The following FABP12 variants were observed in gnomAD, a reference collection of about 807,000 sequenced individuals.
FABP12 encodes fatty acid binding protein 12, also known as fatty acid-binding protein 12.
A neutral mutation model predicts 13.7 loss-of-function variants in FABP12; 19 were observed. The ratio of observed to expected loss-of-function variants is 1.39; its 90% CI spans 0.97 to 2.04. The LOEUF is 2.04. FABP12 is among the 30% of genes most tolerant of loss of function. The pLI, the probability that FABP12 is intolerant of heterozygous loss-of-function variation, is 0.00. For missense variants in FABP12, 182 were observed against 164.2 expected (o/e 1.11, Z -0.59); for synonymous variants, 61 against 57.0 (o/e 1.07, Z -0.32).
chr8:81,589,263 A>T (rs74769408), intron 1 of FABP12, among the ~76,000 whole-genome samples: 15,557 of 152,230 alleles, frequency 0.1, 1,015 homozygotes, highest in Middle Eastern at 0.16. Context: ...TGAATCCTTT[A>T]AAACAAAACA....
intron 1 of FABP12, among the ~76,000 whole-genome samples, chr8:81,566,883 T>A (rs1012199814): frequency 3.3e-5 from 5 of 152,152 alleles, no homozygotes; most frequent in African/African-American, 1.2e-4. Flanking sequence ...TGTTTGCAGA[T>A]GATATAATCT....
intron 1 of FABP12, among the ~76,000 whole-genome samples, chr8:81,560,278 A>C (rs938769929): frequency 6.6e-6 from 1 of 152,186 alleles, no homozygotes; most frequent in African/African-American, 2.4e-5. Context: ...TATTTTCCTC[A>C]TACTTTTTTA....
chr8:81,564,384 T>C (rs1319173680), intron 1 of FABP12, among the ~76,000 whole-genome samples: 1 of 152,042 alleles, frequency 6.6e-6, no homozygotes, highest in Non-Finnish European at 1.5e-5. Flanking sequence ...ACACAGAACA[T>C]TATAAAATAT....
At chr8:81,549,251 A>G (rs1016184283) in intron 1 of FABP12, among the ~76,000 whole-genome samples, 1 of 135,416 alleles carries the variant, frequency 7.4e-6, no homozygotes, top group African/African-American at 2.6e-5. Flanking sequence ...ACACACACAC[A>G]CATGCACGTA....
chr8:81,572,198 T>C (rs1809945813), intron 1 of FABP12, among the ~76,000 whole-genome samples: 1 of 152,170 alleles, frequency 6.6e-6, no homozygotes, highest in Middle Eastern at 3.4e-3. Context: ...TCAATGAGAA[T>C]ATACAATGCT....
rs373404455 is a variant in FABP12 at position 81,530,268 on chromosome 8, T to C, written c.74-658A>G. ...TATCTTGTCTTGGAAGTTTTCCCCTTATCTATGTCTTGAAAATTTTCCATG... is the reference window on the plus strand; with the variant it reads ...TATCTTGTCTTGGAAGTTTTCCCCTCATCTATGTCTTGAAAATTTTCCATG... On this transcript the variant is annotated intron_variant, in intron 2 of 4. Coordinates refer to ENST00000360464, the Ensembl canonical transcript of FABP12. Among the ~76,000 whole-genome samples the C allele has an allele frequency of 9.8e-5, 15 of 152,324 alleles. No individual in the cohort carries two copies. In the East Asian group the frequency reaches 1.3e-3, roughly 14 times the overall value.
At chr8:81,563,482 A>G (rs1294182807) in intron 1 of FABP12, among the ~76,000 whole-genome samples, 1 of 152,238 alleles carries the variant, frequency 6.6e-6, no homozygotes, top group Non-Finnish European at 1.5e-5. Flanking sequence ...ACAGAAATAC[A>G]TAACATTTCA....
intron 2 of FABP12, among the ~76,000 whole-genome samples, chr8:81,530,584 ACACAAT>A (rs1159582984): frequency 1.3e-5 from 2 of 152,256 alleles, no homozygotes; most frequent in African/African-American, 4.8e-5. Flanking sequence ...ATATCATAAA[ACACAAT>A]CACAGGATGT....
At chr8:81,550,721 A>G (rs1357068447) in intron 1 of FABP12, among the ~76,000 whole-genome samples, 1 of 152,310 alleles carries the variant, frequency 6.6e-6, no homozygotes, top group Admixed American at 6.5e-5. Context: ...GAAATGACAG[A>G]GGGAGCTCAC....
chr8:81,525,205 C>T (rs947373588), intron 4 of FABP12, 85 bp from the exon 5 acceptor site: 8 of 851,110 alleles, frequency 9.4e-6, no homozygotes, highest in Admixed American at 2.5e-5. Context: ...ACTATCCACA[C>T]ATACATTCCT....
At position 81,540,419 on chromosome 8, in the gene FABP12, T is replaced by C. The variant is rs187639030; in HGVS notation, c.-184-676A>G. On this transcript the variant is annotated intron_variant, in intron 1 of 5. Transcript: ENST00000692030. ...TCCCCAGTGTAAAGTCATGCTGTCA[T>C]GTACCCTCTGCTAGGATGCAATGAG... Among the ~76,000 whole-genome samples, 26 of 152,378 alleles carry C rather than the reference T, an allele frequency of 1.7e-4. No homozygotes were observed. In the East Asian group the frequency reaches 5.0e-3, roughly 29 times the overall value.
At chr8:81,550,561 C>A (rs745348994) in intron 1 of FABP12, among the ~76,000 whole-genome samples, 27 of 152,134 alleles carry the variant, frequency 1.8e-4, no homozygotes, top group Non-Finnish European at 3.2e-4. Context: ...CTACTAAGAA[C>A]AAGGTTGGGT....
In FABP12 at chr8:81,573,517, T is replaced by C. The variant is rs147876087; in HGVS notation, c.-185+16536A>G. Reference sequence around the variant, plus strand: ...TGGTGGTATTTTGATGGGGACTGCATTGAATTTGTAGATTGCTTTTGGCAG... The same window carrying C: ...TGGTGGTATTTTGATGGGGACTGCACTGAATTTGTAGATTGCTTTTGGCAG... On this transcript the variant is annotated intron_variant, in intron 1 of 5. Transcript: ENST00000692030. Among the ~76,000 whole-genome samples the C allele has an allele frequency of 2.6e-4, 39 of 152,312 alleles. No homozygotes were observed. The East Asian group carries it at 6.9e-3, about 27-fold the overall frequency.
chr8:81,579,293 A>G (rs1396388524), intron 1 of FABP12, among the ~76,000 whole-genome samples: 1 of 151,974 alleles, frequency 6.6e-6, no homozygotes, highest in Non-Finnish European at 1.5e-5. Flanking sequence ...TACTGTTTTC[A>G]GATTTCTCCG....
chr8:81,527,672 CT>C (rs1330729204), intron 3 of FABP12, among the ~76,000 whole-genome samples: 14 of 152,058 alleles, frequency 9.2e-5, no homozygotes, highest in Non-Finnish European at 1.5e-4. Flanking sequence ...ATGAAATGTT[CT>C]TTTTATCTTT....
chr8:81,584,331 C>T (rs1315825379), intron 1 of FABP12, among the ~76,000 whole-genome samples: 3 of 152,168 alleles, frequency 2.0e-5, no homozygotes, highest in Non-Finnish European at 4.4e-5. Context: ...ATGGAGGCAC[C>T]GGCCTCTGCA....
At chr8:81,586,312 A>C (rs1484823492) in intron 1 of FABP12, among the ~76,000 whole-genome samples, 1 of 152,222 alleles carries the variant, frequency 6.6e-6, no homozygotes, top group African/African-American at 2.4e-5. Flanking sequence ...ATACGCATGC[A>C]TGTATCTTTA....
At chr8:81,552,439 G>T (rs1809536698) in intron 1 of FABP12, among the ~76,000 whole-genome samples, 1 of 152,164 alleles carries the variant, frequency 6.6e-6, no homozygotes, top group Non-Finnish European at 1.5e-5. Context: ...AGCTGTTGAA[G>T]AGATTTACAC....
At chr8:81,546,833 A>G (rs1040206499) in intron 1 of FABP12, among the ~76,000 whole-genome samples, 1 of 152,102 alleles carries the variant, frequency 6.6e-6, no homozygotes, top group African/African-American at 2.4e-5. Flanking sequence ...ACTGTTACTG[A>G]ATCAAATTAG....
Sources: allele counts gnomAD v4.1 joint callset (sites outside exome capture counted in the v4.1 genomes callset), GRCh38; gene constraint gnomAD v4.1.1; transcripts MANE v1.5; gene names NCBI Gene and HGNC (gene_info 2026-07-23, HGNC 2026-07-21).